The following FBXO34 variants were observed in gnomAD, a reference collection of about 807,000 sequenced individuals.
FBXO34 encodes the protein F-box only protein 34.
Under a neutral mutation model 24.5 loss-of-function variants are expected in FBXO34, and 12 were observed. The observed-to-expected ratio is 0.49, with a 90% CI of 0.31 to 0.79. The LOEUF (loss-of-function observed/expected upper bound fraction) is 0.79. Among genes scored for constraint, FBXO34 ranks in the 30% least tolerant of loss-of-function variants. The pLI is 0.04. For synonymous variants in FBXO34, 320 were observed against 311.9 expected (o/e 1.03, Z -0.27); for missense variants, 823 against 857.7 (o/e 0.96, Z 0.51).
downstream of FBXO34, among the ~76,000 whole-genome samples, chr14:55,372,833 T>C (rs1046774866): frequency 6.6e-6 from 1 of 152,076 alleles, no homozygotes; most frequent in Non-Finnish European, 1.5e-5. Flanking sequence ...GAGGAGGAAA[T>C]GTCCAAGTTC....
chr14:55,421,815 T>C, the FBXO34 span, among the ~76,000 whole-genome samples: 106,620 of 152,130 alleles, frequency 0.7, 37,525 homozygotes, highest in South Asian at 0.74. Flanking sequence ...AAGCAAACTA[T>C]ACAACTCAGA....
chr14:55,354,445 C>T (rs1438156082), downstream of FBXO34: 1 of 152,244 alleles, frequency 6.6e-6, no homozygotes, highest in Non-Finnish European at 1.5e-5. Context: ...GACTATGGCT[C>T]TACACTGGCC....
chr14:55,433,761 A>C, the FBXO34 span: 1 of 1,577,098 alleles, frequency 6.3e-7, no homozygotes, highest in Admixed American at 1.8e-5. Flanking sequence ...CTCTGCTAGG[A>C]GTTAACATTA....
chr14:55,361,582 A>C (rs1884595957), intron 3 of FBXO34, among the ~76,000 whole-genome samples: 1 of 152,192 alleles, frequency 6.6e-6, no homozygotes, highest in Non-Finnish European at 1.5e-5. Context: ...CTTCTCTCTA[A>C]GTTGTGAAAA....
intron 1 of FBXO34, among the ~76,000 whole-genome samples, chr14:55,278,421 T>C (rs988047408): frequency 6.6e-6 from 1 of 152,168 alleles, no homozygotes; most frequent in Non-Finnish European, 1.5e-5. Flanking sequence ...GAAAACCAAC[T>C]CAAATTCACT....
chr14:55,439,263 A>G, the FBXO34 span, among the ~76,000 whole-genome samples: 1 of 138,686 alleles, frequency 7.2e-6, no homozygotes, highest in Non-Finnish European at 1.5e-5. Flanking sequence ...TTTAAGTCTT[A>G]AGAGTAATTA....
the FBXO34 span, among the ~76,000 whole-genome samples, chr14:55,378,711 G>GT: frequency 0.02 from 3,102 of 151,466 alleles, 68 homozygotes; most frequent in African/African-American, 0.051. Context: ...TTTTTTGTTT[G>GT]TTTTTTAGGC....
At chr14:55,345,389 C>T (rs944173415) in intron 1 of FBXO34, among the ~76,000 whole-genome samples, 1 of 152,192 alleles carries the variant, frequency 6.6e-6, no homozygotes, top group African/African-American at 2.4e-5. Flanking sequence ...ACCTGAATTT[C>T]CTAAAAGCAT....
chr14:55,411,629 A>C, the FBXO34 span: 2 of 1,612,380 alleles, frequency 1.2e-6, no homozygotes, highest in Non-Finnish European at 1.7e-6. Context: ...GTCGAAGTAG[A>C]CGAAATCGCC....
At chr14:55,403,697 C>T in the FBXO34 span, among the ~76,000 whole-genome samples, 44 of 152,002 alleles carry the variant, frequency 2.9e-4, no homozygotes, top group South Asian at 2.1e-4. Flanking sequence ...ACAACAACAA[C>T]GAACCAGCAA....
the FBXO34 span, among the ~76,000 whole-genome samples, chr14:55,442,608 G>A: frequency 6.6e-6 from 1 of 152,052 alleles, no homozygotes; most frequent in African/African-American, 2.4e-5. Flanking sequence ...ATCACAACAA[G>A]TCTTACAGAA....
intron 3 of FBXO34, among the ~76,000 whole-genome samples, chr14:55,360,012 C>T (rs763742829): frequency 2.0e-5 from 3 of 151,744 alleles, no homozygotes; most frequent in Admixed American, 6.6e-5. Context: ...CCCAGGACGT[C>T]GAGGCTGCAG....
At chr14:55,381,762 A>T in the FBXO34 span, among the ~76,000 whole-genome samples, 1 of 151,996 alleles carries the variant, frequency 6.6e-6, no homozygotes, top group East Asian at 1.9e-4. Context: ...AGAGTGGGGA[A>T]ATGTGACACT....
chr14:55,424,321 C>A, the FBXO34 span: 1 of 1,000,534 alleles, frequency 1.0e-6, no homozygotes, highest in African/African-American at 1.6e-5. Context: ...ACATGTAAGG[C>A]CCAGTATATT....
intron 1 of FBXO34, among the ~76,000 whole-genome samples, chr14:55,288,842 G>A (rs1038155117): frequency 3.9e-5 from 6 of 152,206 alleles, no homozygotes; most frequent in African/African-American, 1.4e-4. Flanking sequence ...CTTGAGGTCA[G>A]GAGTTCGAGA....
intron 1 of FBXO34, among the ~76,000 whole-genome samples, chr14:55,339,143 G>A (rs17741542): frequency 0.37 from 56,518 of 151,954 alleles, 11,087 homozygotes; most frequent in Non-Finnish European, 0.42. Flanking sequence ...TAAATGCATA[G>A]GAGACAGTAT....
At chr14:55,437,303 C>A in the FBXO34 span, among the ~76,000 whole-genome samples, 1 of 152,224 alleles carries the variant, frequency 6.6e-6, no homozygotes. Flanking sequence ...TGTGGTGAAA[C>A]CACGTCTCTA....
chr14:55,413,959 T>C, the FBXO34 span: 1 of 503,024 alleles, frequency 2.0e-6, no homozygotes, highest in Non-Finnish European at 3.9e-6. Flanking sequence ...ACCTTTTTCG[T>C]AGATTCGCAT....
At chr14:55,407,930 A>G in the FBXO34 span, among the ~76,000 whole-genome samples, 1 of 152,162 alleles carries the variant, frequency 6.6e-6, no homozygotes, top group African/African-American at 2.4e-5. Context: ...AGAAACGGCA[A>G]GGAAAAAGCC....
Sources: gnomAD v4.1 joint callset for allele counts (sites outside exome capture counted in the v4.1 genomes callset) on GRCh38, gnomAD v4.1.1 for gene constraint, MANE v1.5 for transcripts, NCBI Gene and HGNC (gene_info 2026-07-23, HGNC 2026-07-21) for gene names.